SGCD: variants seen among roughly 807,000 people sequenced by gnomAD.
SGCD encodes delta-sarcoglycan.
A neutral mutation model predicts 36.6 loss-of-function variants in SGCD; 18 were observed. The ratio of observed to expected loss-of-function variants is 0.49; its 90% CI spans 0.34 to 0.73. SGCD has a LOEUF of 0.73. Ranked by LOEUF, SGCD falls within the 30% of genes least tolerant of loss-of-function variation. SGCD has a pLI of 0.01. For synonymous variants in SGCD, 133 were observed against 130.6 expected (o/e 1.02, Z -0.12); for missense variants, 387 against 346.7 (o/e 1.12, Z -0.92).
At chr5:155,742,017 T>G in the SGCD span, among the ~76,000 whole-genome samples, 1 of 152,174 alleles carries the variant, frequency 6.6e-6, no homozygotes, top group East Asian at 1.9e-4. Flanking sequence ...TACTTTGGAA[T>G]GCCCTTGGCT....
At chr5:156,591,026 T>C (rs1760704239) in intron 5 of SGCD, among the ~76,000 whole-genome samples, 1 of 150,176 alleles carries the variant, frequency 6.7e-6, no homozygotes. Flanking sequence ...ACATTAGATA[T>C]GTTTAAAACA....
At chr5:156,052,041 C>T (rs1389413164) in intron 1 of SGCD, among the ~76,000 whole-genome samples, 1 of 146,036 alleles carries the variant, frequency 6.8e-6, no homozygotes, top group African/African-American at 2.5e-5. Flanking sequence ...GTAAGTAAAG[C>T]AGGATTTTAT....
the SGCD span, among the ~76,000 whole-genome samples, chr5:155,765,861 G>A: frequency 2.6e-5 from 4 of 152,144 alleles, no homozygotes; most frequent in East Asian, 5.8e-4. Context: ...TTAAGCTGTG[G>A]TTGGCGAAGC....
the SGCD span, among the ~76,000 whole-genome samples, chr5:155,759,317 GAATTTC>G: frequency 6.6e-6 from 1 of 152,166 alleles, no homozygotes; most frequent in Non-Finnish European, 1.5e-5. Flanking sequence ...TGTTGCAAGT[GAATTTC>G]ATGCACCATC....
chr5:156,283,341 G>A (rs373607854), intron 3 of SGCD, among the ~76,000 whole-genome samples: 25 of 152,106 alleles, frequency 1.6e-4, no homozygotes, highest in African/African-American at 2.7e-4. Flanking sequence ...GTGTAACTCC[G>A]TTATGCACAG....
At chr5:156,462,930 A>G (rs1480901127) in intron 3 of SGCD, among the ~76,000 whole-genome samples, 1 of 152,152 alleles carries the variant, frequency 6.6e-6, no homozygotes, top group Non-Finnish European at 1.5e-5. Context: ...ATAATAGACA[A>G]TTATAATTAA....
chr5:156,031,985 G>T (rs560371735), intron 1 of SGCD, among the ~76,000 whole-genome samples: 1 of 152,072 alleles, frequency 6.6e-6, no homozygotes, highest in East Asian at 1.9e-4. Flanking sequence ...GATATAGATA[G>T]ATAATCATAA....
chr5:156,400,027 G>A (rs570650752), intron 3 of SGCD, among the ~76,000 whole-genome samples: 2 of 152,270 alleles, frequency 1.3e-5, no homozygotes, highest in Admixed American at 1.3e-4. Flanking sequence ...TACATGAAAT[G>A]GGGTGAGGAG....
chr5:156,575,662 A>G (rs1288708674), intron 4 of SGCD, among the ~76,000 whole-genome samples: 4 of 152,200 alleles, frequency 2.6e-5, no homozygotes, highest in Non-Finnish European at 4.4e-5. Context: ...AAAGAGATAA[A>G]CCATAGATAG....
chr5:156,609,476 C>A (rs4632786), intron 6 of SGCD, among the ~76,000 whole-genome samples: 1 of 152,174 alleles, frequency 6.6e-6, no homozygotes, highest in Non-Finnish European at 1.5e-5. Context: ...CTGCCCTTAA[C>A]ATTTTTTCCT....
chr5:156,287,627 TTGTGTGTGTGTGTG>T (rs70982002), intron 3 of SGCD, among the ~76,000 whole-genome samples: 1 of 146,288 alleles, frequency 6.8e-6, no homozygotes, highest in East Asian at 2.1e-4. Context: ...TTCCGTTTCT[TTGTGTGTGTGTGTG>T]TGTGTGTGTG....
intron 3 of SGCD, among the ~76,000 whole-genome samples, chr5:156,274,048 G>A (rs1389893341): frequency 6.6e-6 from 1 of 152,032 alleles, no homozygotes; most frequent in Non-Finnish European, 1.5e-5. Context: ...GGGCTGTACT[G>A]ACCTCTGTGT....
At chr5:156,171,154 G>A (rs912872936) in intron 3 of SGCD, among the ~76,000 whole-genome samples, 1 of 152,100 alleles carries the variant, frequency 6.6e-6, no homozygotes, top group East Asian at 1.9e-4. Context: ...ACTAATTTAA[G>A]GTGCTCATAT....
intron 7 of SGCD, among the ~76,000 whole-genome samples, chr5:156,754,722 G>A: frequency 6.6e-6 from 1 of 152,124 alleles, no homozygotes; most frequent in Non-Finnish European, 1.5e-5. Flanking sequence ...GTATAATCAG[G>A]ACTATAGAAA....
At chr5:156,651,289 A>G (rs1471575177) in intron 7 of SGCD, among the ~76,000 whole-genome samples, 1 of 152,078 alleles carries the variant, frequency 6.6e-6, no homozygotes, top group Non-Finnish European at 1.5e-5. Flanking sequence ...TGCTGTGCAG[A>G]ACCTCTTTAG....
chr5:156,154,161 G>A (rs1310197156), intron 3 of SGCD, among the ~76,000 whole-genome samples: 2 of 151,624 alleles, frequency 1.3e-5, no homozygotes, highest in Non-Finnish European at 2.9e-5. Flanking sequence ...AAGCTGTCCA[G>A]TAACTTGCTC....
intron 1 of SGCD, among the ~76,000 whole-genome samples, chr5:155,987,347 A>G (rs1758351412): frequency 6.6e-6 from 1 of 151,860 alleles, no homozygotes; most frequent in South Asian, 2.1e-4. Context: ...TCTACCTCCA[A>G]AATGTCTCTA....
chr5:155,874,072 G>T (rs1755714010), intron 1 of SGCD, among the ~76,000 whole-genome samples: 1 of 152,036 alleles, frequency 6.6e-6, no homozygotes, highest in Non-Finnish European at 1.5e-5. Context: ...CAATTTTTAT[G>T]ACCATACATG....
At chr5:156,509,908 G>T (rs763371447) in intron 4 of SGCD, among the ~76,000 whole-genome samples, 1 of 152,128 alleles carries the variant, frequency 6.6e-6, no homozygotes, top group Admixed American at 6.6e-5. Context: ...TAATGCATTT[G>T]CTCTGCCTTG....
Sources: allele counts gnomAD v4.1 joint callset (sites outside exome capture counted in the v4.1 genomes callset), GRCh38; gene constraint gnomAD v4.1.1; transcripts MANE v1.5; gene names NCBI Gene and HGNC (gene_info 2026-07-23, HGNC 2026-07-21).